Variants in SIPA1L1 observed in about 807,000 individuals in gnomAD.
SIPA1L1 encodes signal induced proliferation associated 1 like 1.
A neutral mutation model predicts 162.7 loss-of-function variants in SIPA1L1; 26 were observed. That is an observed-to-expected ratio of 0.16 (90% CI 0.12 to 0.22). SIPA1L1 has a LOEUF of 0.22. Among genes scored for constraint, SIPA1L1 ranks in the 10% least tolerant of loss-of-function variants. SIPA1L1 has a pLI of 1.00. For missense variants in SIPA1L1, 1,874 were observed against 2,241.0 expected, an observed-to-expected ratio of 0.84 and a Z score of 3.31; for synonymous variants, 829 against 837.4, an observed-to-expected ratio of 0.99 and a Z score of 0.17.
intron 2 of SIPA1L1, among the ~76,000 whole-genome samples, chr14:71,490,920 A>T (rs1451761535): frequency 6.6e-6 from 1 of 152,200 alleles, no homozygotes; most frequent in Non-Finnish European, 1.5e-5. Context: ...TAGGGGTTTA[A>T]TAGGAATGAA....
intron 4 of SIPA1L1, among the ~76,000 whole-genome samples, chr14:71,570,261 CTTTATTTATTTA>C (rs573139905): frequency 1.3e-5 from 2 of 151,476 alleles, no homozygotes; most frequent in African/African-American, 2.4e-5. Context: ...ATCCATTTAT[CTTTATTTATTTA>C]TTTATTTATT....
chr14:71,698,897 A>G (rs2081867353), intron 13 of SIPA1L1, 84 bp from the exon 14 acceptor site: 2 of 1,443,842 alleles, frequency 1.4e-6, no homozygotes, highest in Non-Finnish European at 1.9e-6. Flanking sequence ...TTTTTGTCAC[A>G]TTTATATGAT....
chr14:71,728,475 C>A (rs890607088), intron 19 of SIPA1L1, among the ~76,000 whole-genome samples: 3 of 152,202 alleles, frequency 2.0e-5, no homozygotes, highest in African/African-American at 7.2e-5. Flanking sequence ...TTGGTCACAT[C>A]TTGGGTGTAT....
chr14:71,564,310 T>G (rs1452529116), intron 4 of SIPA1L1, among the ~76,000 whole-genome samples: 1 of 151,870 alleles, frequency 6.6e-6, no homozygotes, highest in Non-Finnish European at 1.5e-5. Flanking sequence ...TATACTTTTC[T>G]TGGGTATAAT....
chr14:71,544,512 C>T (rs751137280), intron 4 of SIPA1L1, among the ~76,000 whole-genome samples: 7 of 151,900 alleles, frequency 4.6e-5, no homozygotes, highest in Non-Finnish European at 1.0e-4. Context: ...TAACGCTGTA[C>T]TATGTGTTAC....
intron 2 of SIPA1L1, among the ~76,000 whole-genome samples, chr14:71,498,693 AG>A (rs1462776232): frequency 6.6e-6 from 1 of 152,064 alleles, no homozygotes; most frequent in Middle Eastern, 3.2e-3. Context: ...AACAATCTTG[AG>A]TTTGGGTAGT....
intron 2 of SIPA1L1, among the ~76,000 whole-genome samples, chr14:71,479,725 TG>T (rs1269714079): frequency 6.6e-6 from 1 of 152,030 alleles, no homozygotes; most frequent in African/African-American, 2.4e-5. Flanking sequence ...TGTTTTGTTT[TG>T]TTTTGCTTTG....
At chr14:71,709,750 T>G in intron 17 of SIPA1L1, 86 bp downstream of exon 17, 1 of 1,136,716 alleles carries the variant, frequency 8.8e-7, no homozygotes, top group Non-Finnish European at 1.2e-6. Flanking sequence ...TGCTCAATAG[T>G]GTATAAGGAA....
intron 5 of SIPA1L1, among the ~76,000 whole-genome samples, chr14:71,590,608 A>G (rs1045488436): frequency 6.6e-6 from 1 of 152,194 alleles, no homozygotes; most frequent in Non-Finnish European, 1.5e-5. Flanking sequence ...GTGACTAAAC[A>G]TCCATGTCTC....
At chr14:71,365,667 G>A (rs1244362031) in intron 2 of SIPA1L1, among the ~76,000 whole-genome samples, 1 of 151,610 alleles carries the variant, frequency 6.6e-6, no homozygotes, top group Admixed American at 6.6e-5. Context: ...CTTCAACTAT[G>A]TGAAGTATGT....
intron 2 of SIPA1L1, among the ~76,000 whole-genome samples, chr14:71,389,383 C>T (rs1015805591): frequency 6.6e-6 from 1 of 152,132 alleles, no homozygotes; most frequent in Non-Finnish European, 1.5e-5. Context: ...TCTATGTTTC[C>T]CTTTTGCCAC....
intron 8 of SIPA1L1, among the ~76,000 whole-genome samples, chr14:71,650,743 G>A (rs1419339697): frequency 1.3e-5 from 2 of 152,076 alleles, no homozygotes; most frequent in African/African-American, 2.4e-5. Context: ...GCATGGAGTG[G>A]GGCAGTGACA....
At chr14:71,606,938 CAAAT>C (rs896562897) in intron 5 of SIPA1L1, among the ~76,000 whole-genome samples, 2 of 150,942 alleles carry the variant, frequency 1.3e-5, no homozygotes, top group African/African-American at 4.9e-5. Flanking sequence ...AAAATAAAAA[CAAAT>C]AAAAACCTTC....
intron 2 of SIPA1L1, among the ~76,000 whole-genome samples, chr14:71,340,070 C>A (rs1028430811): frequency 2.0e-5 from 3 of 152,204 alleles, no homozygotes; most frequent in African/African-American, 7.2e-5. Context: ...TAATAGGTAG[C>A]TATGACCACC....
intron 4 of SIPA1L1, among the ~76,000 whole-genome samples, chr14:71,575,525 G>T (rs558056637): frequency 6.6e-6 from 1 of 152,074 alleles, no homozygotes; most frequent in Non-Finnish European, 1.5e-5. Flanking sequence ...TTATTTGAGG[G>T]TAAAAGATAA....
chr14:71,649,408 T>C (rs2042439058), intron 7 of SIPA1L1, among the ~76,000 whole-genome samples: 1 of 152,134 alleles, frequency 6.6e-6, no homozygotes, highest in South Asian at 2.1e-4. Flanking sequence ...CCCAGGCTTG[T>C]CTGGAACTCC....
chr14:71,451,894 T>G (rs2045854295), intron 2 of SIPA1L1, among the ~76,000 whole-genome samples: 1 of 152,108 alleles, frequency 6.6e-6, no homozygotes, highest in Admixed American at 6.6e-5. Flanking sequence ...GGGAAAATGG[T>G]CATTATATAA....
rs2085631013 is a variant in SIPA1L1 at position 71,739,747 on chromosome 14, G to A, written c.*586G>A. 1 of 152,196 alleles carries A rather than the reference G, an allele frequency of 6.6e-6. No individual in the cohort carries two copies. The highest frequency in any genetic ancestry group is 6.5e-5 in the Admixed American group (1 of 15,282). 9.4% of individuals were successfully genotyped at this position (152,196 alleles called of 1,614,324 possible). On this transcript the variant is annotated 3_prime_UTR_variant, in exon 24 of 24. Transcript: ENST00000381232. Reference sequence around the variant, plus strand: ...GTACCTGTCCTCCAGAGATCAGCAGGACCGGAGTTAAATATTTAACAGCAA... The same window carrying A: ...GTACCTGTCCTCCAGAGATCAGCAGAACCGGAGTTAAATATTTAACAGCAA...
chr14:71,589,222 C>T lies in SIPA1L1; in HGVS notation c.1350C>T (p.Thr450=), dbSNP rs752779161. Residue 450 remains threonine, a synonymous_variant, in exon 5 of 24, where the codon ACC becomes ACT. Coordinates refer to ENST00000381232, the MANE Select transcript of SIPA1L1 (RefSeq NM_001386936.1). ...GTGAAAGTGCCTCCTTTGAGTCTAC[C>T]CTTAGTTCCCATTGCACAAATGCAG... is the stretch of plus-strand genomic sequence containing the variant. ...SGCESASFES[T]LSSHCTNAGV... 1.2e-6 allele frequency: 2 copies of T among 1,614,006 alleles called. No individual in the cohort carries two copies. The highest frequency in any genetic ancestry group is 1.7e-6 in the Non-Finnish European group (2 of 1,179,966).
Sources: gnomAD v4.1 joint callset for allele counts (sites outside exome capture counted in the v4.1 genomes callset) on GRCh38, gnomAD v4.1.1 for gene constraint, MANE v1.5 for transcripts, NCBI Gene and HGNC (gene_info 2026-07-23, HGNC 2026-07-21) for gene names.